Variants in NOMO2 observed in about 807,000 individuals in gnomAD.
NOMO2 encodes BOS complex subunit NOMO2.
NOMO2 carries 14 observed loss-of-function variants against 67.1 expected under a neutral mutation model. The observed-to-expected ratio is 0.21, with a 90% CI of 0.14 to 0.33. The LOEUF (loss-of-function observed/expected upper bound fraction) is 0.33, where lower values mean the gene tolerates loss of function less well. Ranked by LOEUF, NOMO2 falls within the 10% of genes least tolerant of loss-of-function variation. The pLI is 1.00. For synonymous variants in NOMO2, 80 were observed against 305.9 expected (o/e 0.26, Z 7.71); for missense variants, 178 against 761.0 (o/e 0.23, Z 9.01).
intron 2 of NOMO2, among the ~76,000 whole-genome samples, chr16:18,557,209 G>C (rs1198661208): frequency 1.3e-5 from 2 of 151,912 alleles, no homozygotes; most frequent in Non-Finnish European, 2.9e-5. Flanking sequence ...AAATTGGAGG[G>C]AAAAGGGTAC....
intron 1 of NOMO2, among the ~76,000 whole-genome samples, chr16:18,559,931 GT>G (rs1344621367): frequency 6.5e-4 from 98 of 151,666 alleles, no homozygotes; most frequent in Admixed American, 3.3e-4. Context: ...AGAGTATGGA[GT>G]TTTGTCTGTT....
chr16:18,529,796 C>A (rs1901253932), intron 14 of NOMO2, among the ~76,000 whole-genome samples, 159 bp from the exon 15 acceptor site: 1 of 149,978 alleles, frequency 6.7e-6, no homozygotes, highest in Non-Finnish European at 1.5e-5. Context: ...TTATAACTAG[C>A]AGTATTTGGA....
At position 18,554,025 on chromosome 16, in the gene NOMO2, A is replaced by G. The variant is rs1018559414; in HGVS notation, c.301+782T>C. On this transcript the variant is annotated intron_variant, in intron 3 of 30. Transcript: ENST00000622306. ...CCCACACCTGCTCTACTGAAACATC[A>G]AGAGTCTCTCCTCTTCAAAAATGTA... Among the ~76,000 whole-genome samples the G allele has an allele frequency of 2.9e-4, 44 of 150,190 alleles. No homozygotes were observed. The East Asian group carries it at 4.3e-3, about 15-fold the overall frequency.
chr16:18,528,866 G>A (rs1901214659), intron 15 of NOMO2, among the ~76,000 whole-genome samples: 1 of 148,818 alleles, frequency 6.7e-6, no homozygotes, highest in Non-Finnish European at 1.5e-5. Context: ...TACTCGGGGG[G>A]CTGAAGCAGG....
At chr16:18,550,735 C>T (rs1402940017) in intron 4 of NOMO2, among the ~76,000 whole-genome samples, 7 of 152,110 alleles carry the variant, frequency 4.6e-5, no homozygotes, top group African/African-American at 1.4e-4. Flanking sequence ...AGGTAAGTGT[C>T]GGAAGCAGAT....
chr16:18,557,407 A>G (rs868394378), intron 2 of NOMO2, among the ~76,000 whole-genome samples: 129 of 150,880 alleles, frequency 8.5e-4, no homozygotes, highest in African/African-American at 3.0e-3. Flanking sequence ...ACTGTAGCGC[A>G]TTTAGCTCCA....
At chr16:18,526,413 T>C (rs74592285) in intron 16 of NOMO2, among the ~76,000 whole-genome samples, 9 of 152,070 alleles carry the variant, frequency 5.9e-5, no homozygotes, top group South Asian at 4.2e-4. Context: ...ATTCCATTCC[T>C]AGGTATCGAA....
intron 6 of NOMO2, among the ~76,000 whole-genome samples, chr16:18,544,812 G>T (rs1311737075): frequency 2.0e-5 from 3 of 151,608 alleles, no homozygotes; most frequent in Non-Finnish European, 4.4e-5. Flanking sequence ...TAAACACAGA[G>T]AAAAGTGTAC....
At chr16:18,548,570 TTAAA>T (rs1901705090) in intron 5 of NOMO2, among the ~76,000 whole-genome samples, 1 of 151,862 alleles carries the variant, frequency 6.6e-6, no homozygotes, top group East Asian at 1.9e-4. Context: ...TATACATCCA[TTAAA>T]TAAATGCTTT....
intron 16 of NOMO2, among the ~76,000 whole-genome samples, chr16:18,526,054 C>G (rs1488882093): frequency 6.6e-6 from 1 of 151,896 alleles, no homozygotes; most frequent in Non-Finnish European, 1.5e-5. Flanking sequence ...GGCAGCTGAA[C>G]TGACACCCAG....
chr16:18,535,399 AAG>A (rs1271795457), intron 11 of NOMO2, among the ~76,000 whole-genome samples: 1 of 150,286 alleles, frequency 6.7e-6, no homozygotes, highest in Non-Finnish European at 1.5e-5. Flanking sequence ...CAATAAAAAA[AAG>A]AGATTTTCCA....
chr16:18,531,867 C>G (rs1267546902), intron 12 of NOMO2, among the ~76,000 whole-genome samples: 2 of 152,064 alleles, frequency 1.3e-5, no homozygotes, highest in African/African-American at 4.8e-5. Flanking sequence ...TCCCCACAGG[C>G]CCGCAACGCG....
chr16:18,527,682 TTAA>T (rs1486759768), intron 15 of NOMO2, 58 bp from the exon 16 acceptor site: 3 of 627,044 alleles, frequency 4.8e-6, no homozygotes, highest in South Asian at 3.9e-5. Flanking sequence ...ACCAAGATGA[TTAA>T]TAATATTTCT....
Position 18,550,920 on chromosome 16 carries a change from G to A in NOMO2, c.402+519C>T, listed in dbSNP as rs2434748. 4.0e-5 allele frequency among the ~76,000 whole-genome samples: 6 copies of A among 151,898 alleles called. No homozygotes were observed. The South Asian group carries it at 1.0e-3, about 26-fold the overall frequency. The stretch of plus-strand genomic sequence containing the variant: ...CACCTGTAATCCCAGCACTATGGGA[G>A]GTGGAGGCAGGCGGATCACCTGAGG... On this transcript the variant is annotated intron_variant, in intron 4 of 30. Transcript: ENST00000622306.
At chr16:18,539,431 C>T (rs1267551075) in intron 9 of NOMO2, among the ~76,000 whole-genome samples, 1 of 151,736 alleles carries the variant, frequency 6.6e-6, no homozygotes, top group Non-Finnish European at 1.5e-5. Flanking sequence ...CCCCTCCTGT[C>T]TTTCCACCAC....
At position 18,531,713 on chromosome 16, in the gene NOMO2, G is replaced by A. The variant is rs576367793; in HGVS notation, c.1396-106C>T. The A allele has an allele frequency of 9.1e-4, 1,428 of 1,561,682 alleles. 11 individuals carry two copies. The highest frequency in any genetic ancestry group is 1.2e-3 in the Non-Finnish European group (1,333 of 1,156,726). ...CTGGGACTAAGGCTAAAGAGATTTT[G>A]AAGGCCAAAGGTTCGTTTCCAGGCC... On this transcript the variant is annotated intron_variant, in intron 12 of 30. Coordinates refer to ENST00000622306, the MANE Select transcript of NOMO2 (RefSeq NM_173614.4).
At position 18,507,478 on chromosome 16, in the gene NOMO2, C is replaced by T. The variant is rs1453218372; in HGVS notation, c.3325-486G>A. 6.2e-4 allele frequency among the ~76,000 whole-genome samples: 34 copies of T among 54,584 alleles called. 10 individuals carry two copies. The highest frequency in any genetic ancestry group is 1.1e-3 in the Admixed American group (6 of 5,256). The allele number at this position is 54,584 out of a possible 152,430, so 35.8% of individuals were successfully genotyped here. On this transcript the variant is annotated intron_variant, in intron 28 of 30. Coordinates refer to ENST00000622306, the MANE Select transcript of NOMO2 (RefSeq NM_173614.4). ...AGCCACAGCTCTGTGTGCTGAGCAC[C>T]GACCAGCTGCCAGGCACCATGCACA...
chr16:18,553,125 A>C (rs1332137913), intron 3 of NOMO2, among the ~76,000 whole-genome samples: 1 of 151,780 alleles, frequency 6.6e-6, no homozygotes, highest in Admixed American at 6.6e-5. Flanking sequence ...AAATACAAAA[A>C]TTAGCTGGGT....
At chr16:18,526,866 T>A (rs539566963) in intron 16 of NOMO2, among the ~76,000 whole-genome samples, 1 of 152,174 alleles carries the variant, frequency 6.6e-6, no homozygotes, top group East Asian at 1.9e-4. Flanking sequence ...TTATTGTACA[T>A]CTTAAATAGG....
Sources: gnomAD v4.1 joint callset for allele counts (sites outside exome capture counted in the v4.1 genomes callset) on GRCh38, gnomAD v4.1.1 for gene constraint, MANE v1.5 for transcripts, NCBI Gene and HGNC (gene_info 2026-07-23, HGNC 2026-07-21) for gene names.